The following MESD variants were observed in gnomAD, a reference collection of about 807,000 sequenced individuals.
MESD encodes LRP chaperone MESD.
Under a neutral mutation model 12.9 loss-of-function variants are expected in MESD, and 7 were observed. The observed-to-expected ratio is 0.54, with a 90% CI of 0.31 to 1.02. The LOEUF (loss-of-function observed/expected upper bound fraction) is 1.02, where lower values mean the gene tolerates loss of function less well. Ranked by LOEUF, MESD falls within the 50% of genes least tolerant of loss-of-function variation. The probability of loss-of-function intolerance (pLI) is 0.05; values close to 1 mark genes in which losing one functional copy is unlikely to be tolerated. For missense variants in MESD, 342 were observed against 296.7 expected (o/e 1.15, Z -1.12); for synonymous variants, 126 against 115.6 (o/e 1.09, Z -0.58).
At chr15:80,969,134 G>A (rs1200674240) in intron 3 of MESD, among the ~76,000 whole-genome samples, 2 of 152,162 alleles carry the variant, frequency 1.3e-5, no homozygotes, top group Admixed American at 1.3e-4. Flanking sequence ...AGGCTGCAGT[G>A]AGCTGCCATC....
intron 2 of MESD, among the ~76,000 whole-genome samples, chr15:80,979,968 G>A (rs528427570): frequency 9.8e-5 from 15 of 152,326 alleles, no homozygotes; most frequent in Admixed American, 9.8e-4. Context: ...TTGGTTGTTG[G>A]ACAAAAATCC....
intron 1 of MESD, 21 bp from the exon 2 acceptor site, chr15:80,982,203 C>T: frequency 6.3e-7 from 1 of 1,597,690 alleles, no homozygotes; most frequent in Non-Finnish European, 8.6e-7. Context: ...AGGGGAAAAG[C>T]ATCAAACCTA....
chr15:80,948,600 C>A, exon 5 of MESD: 2 of 706,208 alleles, frequency 2.8e-6, no homozygotes, highest in Middle Eastern at 3.9e-4. Context: ...TCAGGTGAGA[C>A]CCTGCCTGCC....
intron 1 of MESD, 71 bp downstream of exon 1, chr15:80,989,508 A>C: frequency 6.6e-7 from 1 of 1,509,928 alleles, no homozygotes; most frequent in Non-Finnish European, 9.0e-7. Context: ...CCAAGACAGA[A>C]CAGGTAAGGG....
In MESD at chr15:80,982,093, A is replaced by G; in HGVS notation, c.303T>C (p.Pro101=). 1.2e-6 allele frequency: 2 copies of G among 1,614,074 alleles called. No homozygotes were observed. The highest frequency in any genetic ancestry group is 1.7e-6 in the Non-Finnish European group (2 of 1,180,028). The change falls in exon 2 of 3, where the codon CCT becomes CCC. Residue 101 remains proline (P), a synonymous_variant. Coordinates refer to ENST00000261758, the MANE Select transcript of MESD (RefSeq NM_015154.3). ...TTTTCGTCATTTTCAATATGCTTTC[A>G]GGCTTGCTTGGGTCTATCTTTGAGA... ...VDFSKIDPSK[P]ESILKMTKKG...
chr15:80,958,394 G>A (rs771685779), intron 3 of MESD, among the ~76,000 whole-genome samples: 3 of 152,094 alleles, frequency 2.0e-5, no homozygotes, highest in Admixed American at 6.6e-5. Flanking sequence ...GCAGTGGTGC[G>A]ATCTTGGCTC....
At chr15:80,947,280 A>C, downstream of MESD, 1 of 521,408 alleles carries the variant, frequency 1.9e-6, no homozygotes, top group Non-Finnish European at 3.5e-6. Flanking sequence ...ATTTATTATA[A>C]CTTGCCACCA....
chr15:80,964,703 G>T (rs2141793818), intron 3 of MESD, among the ~76,000 whole-genome samples: 1 of 152,144 alleles, frequency 6.6e-6, no homozygotes, highest in African/African-American at 2.4e-5. Context: ...AAGCAATGGG[G>T]AAAGGATTCC....
rs1366652140 is a variant in MESD, at chr15:80,975,827, A to G, written c.*3392T>C. Reference sequence around the variant, plus strand: ...ACAAACAAGACAAAAAGGAAGACAAATTCATTAAAAACAGGACATTTCTCC... The same window carrying G: ...ACAAACAAGACAAAAAGGAAGACAAGTTCATTAAAAACAGGACATTTCTCC... On this transcript the variant is annotated 3_prime_UTR_variant, in exon 3 of 3. Coordinates refer to ENST00000261758, the MANE Select transcript of MESD (RefSeq NM_015154.3). 6.6e-6 allele frequency: 1 copy of G among 152,140 alleles called. No individual in the cohort carries two copies. The highest frequency in any genetic ancestry group is 1.9e-4 in the East Asian group (1 of 5,188). 9.4% of individuals were successfully genotyped at this position (152,140 alleles called of 1,614,324 possible). A position where few individuals can be genotyped will look rare whatever the true frequency, so the allele number is the denominator to read the frequency against.
rs777755315 is a variant in MESD, at chr15:80,979,166, C to CAA, written c.*51_*52dup. On this transcript the variant is annotated 3_prime_UTR_variant, in exon 3 of 3. Transcript: ENST00000261758. ...GACCACTCCCACCCCAGGAGCTGGG[C>CAA]AAAGAGCTCTCCACGTCCACCTGTC... The CAA allele has an allele frequency of 1.7e-4, 265 of 1,572,172 alleles. No individual in the cohort carries two copies. Among genetic ancestry groups the CAA allele is most frequent in the Non-Finnish European group, 2.3e-4 (262 of 1,159,796 alleles).
At chr15:80,953,456 G>A (rs1901893825) in intron 3 of MESD, among the ~76,000 whole-genome samples, 2 of 152,180 alleles carry the variant, frequency 1.3e-5, no homozygotes, top group South Asian at 4.1e-4. Context: ...TCCTTCATTT[G>A]TCCCTGCAAT....
chr15:80,975,089 A>T (rs8036618), downstream of MESD, among the ~76,000 whole-genome samples: 36,100 of 151,690 alleles, frequency 0.24, 4,792 homozygotes, highest in Middle Eastern at 0.37. Context: ...GTGTAAGAAG[A>T]GCTGAAAGGT....
intron 3 of MESD, among the ~76,000 whole-genome samples, chr15:80,953,826 A>G (rs1901906797): frequency 6.6e-6 from 1 of 152,154 alleles, no homozygotes; most frequent in South Asian, 2.1e-4. Flanking sequence ...ACAGCTAACA[A>G]CATCTGCCTA....
intron 1 of MESD, 89 bp from the exon 2 acceptor site, chr15:80,982,271 G>A: frequency 1.1e-6 from 1 of 950,682 alleles, no homozygotes; most frequent in Non-Finnish European, 1.6e-6. Flanking sequence ...GATGTCAGGT[G>A]CATGTATATG....
chr15:80,989,454 G>A (rs530128134), intron 1 of MESD, 125 bp downstream of exon 1: 153 of 1,168,042 alleles, frequency 1.3e-4, no homozygotes, highest in Middle Eastern at 2.3e-4. Flanking sequence ...GGGTCAGTAA[G>A]GATTCAAGGC....
At chr15:80,964,447 C>A (rs1442604590) in intron 3 of MESD, among the ~76,000 whole-genome samples, 1 of 152,202 alleles carries the variant, frequency 6.6e-6, no homozygotes, top group African/African-American at 2.4e-5. Flanking sequence ...ACTTTCTTCA[C>A]AGAATTGGAA....
At chr15:80,989,432 A>C in intron 1 of MESD, 147 bp downstream of exon 1, 2 of 949,314 alleles carry the variant, frequency 2.1e-6, no homozygotes, top group Non-Finnish European at 3.1e-6. Flanking sequence ...GAGGGTCAAC[A>C]GTGGCTTCAG....
rs924118068 is a variant in MESD at position 80,979,138 on chromosome 15, T to C, written c.*81A>G. On this transcript the variant is annotated 3_prime_UTR_variant, in exon 3 of 3. Coordinates refer to ENST00000261758, the MANE Select transcript of MESD (RefSeq NM_015154.3). ...GAATGTCATCCGGTGTGCAGTTGCC[T>C]GAGACCACTCCCACCCCAGGAGCTG... 1 of 1,536,104 alleles carries C rather than the reference T, an allele frequency of 6.5e-7. No homozygotes were observed. Among genetic ancestry groups the C allele is most frequent in the South Asian group, 1.3e-5 (1 of 77,558 alleles).
intron 1 of MESD, among the ~76,000 whole-genome samples, chr15:80,983,192 A>G (rs1902630139): frequency 6.6e-6 from 1 of 152,098 alleles, no homozygotes; most frequent in Non-Finnish European, 1.5e-5. Flanking sequence ...GCAGTAAGCT[A>G]TAATTATGCC....
Sources: allele counts gnomAD v4.1 joint callset (sites outside exome capture counted in the v4.1 genomes callset), GRCh38; gene constraint gnomAD v4.1.1; transcripts MANE v1.5; gene names NCBI Gene and HGNC (gene_info 2026-07-23, HGNC 2026-07-21).